The following LRRC8D variants were observed in gnomAD, a reference collection of about 807,000 sequenced individuals.
The protein encoded by LRRC8D is volume-regulated anion channel subunit LRRC8D.
In LRRC8D, 20 loss-of-function variants were observed where a neutral mutation model predicts 55.8. The ratio of observed to expected loss-of-function variants is 0.36; its 90% CI spans 0.25 to 0.52. The LOEUF (loss-of-function observed/expected upper bound fraction) is 0.52, where lower values mean the gene tolerates loss of function less well. Among genes scored for constraint, LRRC8D ranks in the 20% least tolerant of loss-of-function variants. The pLI is 0.93. For missense variants in LRRC8D, 651 were observed against 1,030.8 expected, an observed-to-expected ratio of 0.63 and a Z score of 5.05; for synonymous variants, 352 against 377.0, an observed-to-expected ratio of 0.93 and a Z score of 0.77.
rs182292207 is a variant in LRRC8D at position 89,862,252 on chromosome 1, A to G, written c.-3+18470A>G. Among the ~76,000 whole-genome samples, 32 of 152,230 alleles carry G rather than the reference A, an allele frequency of 2.1e-4. No individual in the cohort carries two copies. The East Asian group carries it at 2.1e-3, about 10-fold the overall frequency. On this transcript the variant is annotated intron_variant, in intron 2 of 2. Coordinates refer to ENST00000337338, the MANE Select transcript of LRRC8D (RefSeq NM_001134479.2). Reference sequence around the variant, plus strand: ...TAATACTAAAAAAGGCAAGTCAGGGAGATGTGGGCCCTAATTTTGTTGTTA... The same window carrying G: ...TAATACTAAAAAAGGCAAGTCAGGGGGATGTGGGCCCTAATTTTGTTGTTA...
At chr1:89,896,795 T>C (rs1425938434) in intron 2 of LRRC8D, among the ~76,000 whole-genome samples, 2 of 152,180 alleles carry the variant, frequency 1.3e-5, no homozygotes, top group Non-Finnish European at 2.9e-5. Flanking sequence ...TCTTTTCTTG[T>C]GAATCATAGT....
intron 2 of LRRC8D, among the ~76,000 whole-genome samples, chr1:89,901,123 C>T (rs531105410): frequency 3.9e-5 from 6 of 152,352 alleles, no homozygotes; most frequent in South Asian, 2.1e-4. Flanking sequence ...GTGACAACCT[C>T]TTCTCTTTGC....
intron 2 of LRRC8D, 93 bp from the exon 3 acceptor site, chr1:89,932,973 GA>G: frequency 1.8e-6 from 2 of 1,087,514 alleles, no homozygotes; most frequent in Non-Finnish European, 2.6e-6. Flanking sequence ...ACCTGAATGA[GA>G]AAACTTTAGT....
intron 2 of LRRC8D, among the ~76,000 whole-genome samples, chr1:89,848,512 T>C (rs1281421267): frequency 6.6e-6 from 1 of 152,128 alleles, no homozygotes; most frequent in Non-Finnish European, 1.5e-5. Flanking sequence ...GTCATTCTGC[T>C]TGAGATAGGT....
chr1:89,840,113 A>G (rs1661096192), intron 1 of LRRC8D, among the ~76,000 whole-genome samples: 1 of 152,128 alleles, frequency 6.6e-6, no homozygotes, highest in Non-Finnish European at 1.5e-5. Flanking sequence ...AACCTTCCAC[A>G]TTTTTCCAAA....
intron 1 of LRRC8D, among the ~76,000 whole-genome samples, chr1:89,835,005 G>A (rs907106449): frequency 4.6e-5 from 7 of 152,242 alleles, no homozygotes; most frequent in African/African-American, 1.2e-4. Context: ...GAAGGTTCTT[G>A]AGAAGGGAAA....
At chr1:89,929,500 A>G (rs1260110091) in intron 2 of LRRC8D, among the ~76,000 whole-genome samples, 1 of 152,190 alleles carries the variant, frequency 6.6e-6, no homozygotes, top group Non-Finnish European at 1.5e-5. Context: ...AGTTGTAATA[A>G]TCATGGTGTA....
chr1:89,928,820 G>A (rs868765321), intron 2 of LRRC8D, among the ~76,000 whole-genome samples: 50 of 152,310 alleles, frequency 3.3e-4, no homozygotes, highest in African/African-American at 9.6e-4. Context: ...AACACTGGTT[G>A]CAAGAATCCA....
intron 2 of LRRC8D, among the ~76,000 whole-genome samples, chr1:89,920,636 A>T (rs550217506): frequency 2.6e-4 from 39 of 151,218 alleles, no homozygotes; most frequent in African/African-American, 8.3e-4. Flanking sequence ...AGTATATTGT[A>T]TACTTGTAAT....
chr1:89,842,045 T>C lies in LRRC8D; in HGVS notation c.-147-1593T>C, dbSNP rs528724178. On this transcript the variant is annotated intron_variant, in intron 1 of 2. Transcript: ENST00000337338. ...GGCCAACATTGTGAAACCTCATCTG[T>C]ACTAAAAATACAAAAAAATTAGCTG... 6.0e-4 allele frequency among the ~76,000 whole-genome samples: 91 copies of C among 151,994 alleles called. 3 individuals are homozygous for C. In the South Asian group the frequency reaches 0.018, roughly 30 times the overall value.
intron 2 of LRRC8D, among the ~76,000 whole-genome samples, chr1:89,898,218 G>A (rs943296420): frequency 6.6e-6 from 1 of 152,172 alleles, no homozygotes. Context: ...TAGAAGTGAG[G>A]CCACCACATT....
At position 89,821,113 on chromosome 1, in the gene LRRC8D, G is replaced by C. The variant is rs1453324355; in HGVS notation, c.-326G>C. The C allele has an allele frequency of 6.5e-6, 1 of 153,154 alleles. No homozygotes were observed. The highest frequency in any genetic ancestry group is 1.5e-5 in the Non-Finnish European group (1 of 68,472). 9.5% of individuals were successfully genotyped at this position (153,154 alleles called of 1,614,324 possible). ...CCGCTGCCGCCGCCCGTGGTGCCCCGGCTCCTCCGCCGCGCTTCGAGGTGG... is the reference window on the plus strand; with the variant it reads ...CCGCTGCCGCCGCCCGTGGTGCCCCCGCTCCTCCGCCGCGCTTCGAGGTGG... On this transcript the variant is annotated 5_prime_UTR_variant, in exon 1 of 3. Transcript: ENST00000337338.
chr1:89,886,251 C>T (rs1054458626), intron 2 of LRRC8D, among the ~76,000 whole-genome samples: 1 of 152,168 alleles, frequency 6.6e-6, no homozygotes, highest in Non-Finnish European at 1.5e-5. Flanking sequence ...GTGAGAGACT[C>T]TTCTCAAGTC....
chr1:89,876,695 G>C (rs1055547982), intron 2 of LRRC8D, among the ~76,000 whole-genome samples: 8 of 152,200 alleles, frequency 5.3e-5, no homozygotes, highest in Non-Finnish European at 1.5e-5. Context: ...CTGCAATAAA[G>C]TTTCTTTGGA....
intron 2 of LRRC8D, among the ~76,000 whole-genome samples, chr1:89,904,852 G>A (rs1327729858): frequency 6.6e-6 from 1 of 152,074 alleles, no homozygotes; most frequent in African/African-American, 2.4e-5. Flanking sequence ...TACTTTACAG[G>A]ATTGTTGAAT....
intron 2 of LRRC8D, among the ~76,000 whole-genome samples, chr1:89,861,528 A>G (rs552092062): frequency 2.0e-5 from 3 of 152,122 alleles, no homozygotes; most frequent in Non-Finnish European, 2.9e-5. Context: ...CTTAGGGCCT[A>G]CTAGTGGTGC....
chr1:89,871,957 T>A (rs1662016589), intron 2 of LRRC8D, among the ~76,000 whole-genome samples: 1 of 152,196 alleles, frequency 6.6e-6, no homozygotes, highest in African/African-American at 2.4e-5. Context: ...ACTTACAGCT[T>A]TTACCTTCAT....
At chr1:89,905,556 A>G (rs1662967634) in intron 2 of LRRC8D, among the ~76,000 whole-genome samples, 1 of 152,238 alleles carries the variant, frequency 6.6e-6, no homozygotes, top group Non-Finnish European at 1.5e-5. Flanking sequence ...CCAGTTAGAA[A>G]GATAAAGGAG....
intron 2 of LRRC8D, among the ~76,000 whole-genome samples, chr1:89,889,744 C>G (rs114213426): frequency 2.9e-3 from 439 of 151,556 alleles, no homozygotes; most frequent in Non-Finnish European, 3.9e-3. Context: ...TTAGCCAGCT[C>G]TTTTGGTGAG....
Sources: allele counts gnomAD v4.1 joint callset (sites outside exome capture counted in the v4.1 genomes callset), GRCh38; gene constraint gnomAD v4.1.1; transcripts MANE v1.5; gene names NCBI Gene and HGNC (gene_info 2026-07-23, HGNC 2026-07-21).